PPP2R1B: variants seen among roughly 807,000 people sequenced by gnomAD.
PPP2R1B encodes protein phosphatase 2 scaffold subunit Abeta.
A neutral mutation model predicts 72.7 loss-of-function variants in PPP2R1B; 58 were observed. The ratio of observed to expected loss-of-function variants is 0.80; its 90% CI spans 0.65 to 0.99. The LOEUF is 0.99. Among genes scored for constraint, PPP2R1B ranks in the 50% least tolerant of loss-of-function variants. The pLI is 0.00. For synonymous variants in PPP2R1B, 256 were observed against 264.6 expected (o/e 0.97, Z 0.32); for missense variants, 695 against 733.6 (o/e 0.95, Z 0.61).
At chr11:111,731,511 C>T (rs1340636272) in intron 15 of PPP2R1B, among the ~76,000 whole-genome samples, 1 of 152,252 alleles carries the variant, frequency 6.6e-6, no homozygotes, top group Admixed American at 6.5e-5. Context: ...CAGTGCCAGG[C>T]CCTGAGTGAA....
chr11:111,705,137 A>C, the PPP2R1B span: 3 of 1,566,566 alleles, frequency 1.9e-6, no homozygotes, highest in South Asian at 3.7e-5. This position sits in a 1 kb window ranked among gnomAD's most constrained non-coding sequence, Gnocchi z 4.3. Flanking sequence ...AACAGTTGCC[A>C]AGGTAATGCC....
At chr11:111,712,103 A>G in the PPP2R1B span, 1 of 1,158,180 alleles carries the variant, frequency 8.6e-7, no homozygotes, top group Non-Finnish European at 1.2e-6. Flanking sequence ...ATAAATAAAT[A>G]TTCATTCTTT....
At chr11:111,702,425 A>G in the PPP2R1B span, among the ~76,000 whole-genome samples, 1 of 152,136 alleles carries the variant, frequency 6.6e-6, no homozygotes, top group Non-Finnish European at 1.5e-5. Flanking sequence ...TCTCTACAAA[A>G]AAGTTTTTTT....
At chr11:111,763,933 A>G (rs1945425323) in intron 3 of PPP2R1B, among the ~76,000 whole-genome samples, 1 of 152,088 alleles carries the variant, frequency 6.6e-6, no homozygotes, top group African/African-American at 2.4e-5. Context: ...GAAAAGTCAG[A>G]ACTAGAGACA....
intron 5 of PPP2R1B, 72 bp from the exon 6 acceptor site, chr11:111,755,522 G>C: frequency 7.1e-7 from 1 of 1,417,890 alleles, no homozygotes; most frequent in Non-Finnish European, 9.4e-7. Context: ...GGTGGTGCAG[G>C]TGTTTAAAAA....
chr11:111,708,410 A>G, the PPP2R1B span, among the ~76,000 whole-genome samples: 1 of 152,118 alleles, frequency 6.6e-6, no homozygotes, highest in Non-Finnish European at 1.5e-5. Flanking sequence ...AAAAATAAAT[A>G]AAGTACTCAT....
the PPP2R1B span, among the ~76,000 whole-genome samples, chr11:111,691,181 A>G: frequency 2.6e-5 from 4 of 152,192 alleles, no homozygotes; most frequent in Admixed American, 2.0e-4. Flanking sequence ...ATTGTGTGAT[A>G]TCTTAGGTTT....
At chr11:111,737,185 G>A (rs189287031), downstream of PPP2R1B, among the ~76,000 whole-genome samples, 70 of 152,318 alleles carry the variant, frequency 4.6e-4, no homozygotes, top group Admixed American at 9.8e-4. Context: ...TGGACTGGGA[G>A]GTGATAGGAG....
the PPP2R1B span, chr11:111,701,507 C>T: frequency 1.5e-5 from 24 of 1,613,650 alleles, no homozygotes; most frequent in Admixed American, 8.3e-5. This position sits in a 1 kb window ranked among gnomAD's most constrained non-coding sequence, Gnocchi z 4.2. Context: ...TTTGATGGAC[C>T]GACTCTTCCA....
chr11:111,741,413 T>A lies in PPP2R1B; in HGVS notation c.*183A>T. The A allele has an allele frequency of 7.1e-7, 1 of 1,404,458 alleles. No homozygotes were observed. 87.0% of individuals were successfully genotyped at this position (1,404,458 alleles called of 1,614,324 possible). A position where few individuals can be genotyped will look rare whatever the true frequency, so the allele number is the denominator to read the frequency against. The stretch of plus-strand genomic sequence containing the variant: ...ATAATGATTTAACAAGGAAGACGAG[T>A]AAAAAACAATCCCATTTCATCTTTA... On this transcript the variant is annotated 3_prime_UTR_variant, in exon 15 of 15. Coordinates refer to ENST00000527614, the MANE Select transcript of PPP2R1B (RefSeq NM_002716.5).
the PPP2R1B span, among the ~76,000 whole-genome samples, chr11:111,711,625 G>A: frequency 6.6e-6 from 1 of 152,192 alleles, no homozygotes; most frequent in South Asian, 2.1e-4. Context: ...GCATCTCCTT[G>A]AAGGAAGGAA....
chr11:111,720,749 C>T, the PPP2R1B span: 1 of 1,592,552 alleles, frequency 6.3e-7, no homozygotes, highest in Non-Finnish European at 8.5e-7. Context: ...CATCAGATAC[C>T]TCCCTCACCC....
At chr11:111,751,381 C>T (rs1591693023) in intron 10 of PPP2R1B, among the ~76,000 whole-genome samples, 1 of 152,040 alleles carries the variant, frequency 6.6e-6, no homozygotes, top group Admixed American at 6.6e-5. Context: ...ACTGATTATT[C>T]TATGGCTTTG....
intron 15 of PPP2R1B, chr11:111,728,883 C>G (rs1426855141): frequency 2.0e-5 from 3 of 148,816 alleles, no homozygotes; most frequent in African/African-American, 5.0e-5. Context: ...AAGATCGTGC[C>G]ACTGCACTCC....
Position 111,739,082 on chromosome 11 carries a change from G to C in PPP2R1B, c.*2514C>G. ...ACATAAAGCTTGTTTCCTGAAAGCA[G>C]GAAAATCTTTCTGTCAGTGGGAGAA... On this transcript the variant is annotated 3_prime_UTR_variant, in exon 15 of 15. Transcript: ENST00000527614. 1.0e-6 allele frequency: 1 copy of C among 985,354 alleles called. No individual in the cohort carries two copies. Among genetic ancestry groups the C allele is most frequent in the Non-Finnish European group, 1.2e-6 (1 of 829,920 alleles). The allele number at this position is 985,354 out of a possible 1,614,324, so 61.0% of individuals were successfully genotyped here.
At chr11:111,756,070 C>T (rs1945104341) in intron 5 of PPP2R1B, among the ~76,000 whole-genome samples, 1 of 151,774 alleles carries the variant, frequency 6.6e-6, no homozygotes, top group Non-Finnish European at 1.5e-5. Flanking sequence ...ATTAGCCAGG[C>T]GTGGTGGCGG....
At chr11:111,725,050 A>C (rs1484168659), downstream of PPP2R1B, 1 of 152,580 alleles carries the variant, frequency 6.6e-6, no homozygotes, top group Non-Finnish European at 1.5e-5. Context: ...TTGACCTTAC[A>C]CTATATGTTG....
At chr11:111,718,311 G>A in the PPP2R1B span, among the ~76,000 whole-genome samples, 264 of 152,272 alleles carry the variant, frequency 1.7e-3, no homozygotes, top group African/African-American at 6.2e-3. Flanking sequence ...ATTCTTTCTT[G>A]CAAGGAAACT....
the PPP2R1B span, among the ~76,000 whole-genome samples, chr11:111,691,718 C>T: frequency 6.6e-6 from 1 of 152,162 alleles, no homozygotes; most frequent in Non-Finnish European, 1.5e-5. Context: ...AATTTTCTTG[C>T]CCACACTTAA....
Sources: gnomAD v4.1 joint callset for allele counts (sites outside exome capture counted in the v4.1 genomes callset) on GRCh38, gnomAD v4.1.1 for gene constraint, Gnocchi (gnomAD v3.1) non-coding constraint, MANE v1.5 for transcripts, NCBI Gene and HGNC (gene_info 2026-07-23, HGNC 2026-07-21) for gene names.